The following AUH variants were observed in gnomAD, a reference collection of about 807,000 sequenced individuals.
AUH encodes AU RNA binding methylglutaconyl-CoA hydratase, also known as methylglutaconyl-CoA hydratase, mitochondrial.
A neutral mutation model predicts 42.3 loss-of-function variants in AUH; 29 were observed. The ratio of observed to expected loss-of-function variants is 0.69; its 90% CI spans 0.51 to 0.93. The LOEUF is 0.93. AUH is among the 40% of genes least tolerant of loss of function. The pLI is 0.00. For missense variants in AUH, 452 were observed against 438.1 expected (o/e 1.03, Z -0.28); for synonymous variants, 174 against 166.4 (o/e 1.05, Z -0.35).
chr9:91,302,935 T>C (rs1192073969), intron 4 of AUH, among the ~76,000 whole-genome samples: 1 of 152,206 alleles, frequency 6.6e-6, no homozygotes, highest in Non-Finnish European at 1.5e-5. Flanking sequence ...GCAATGGCTA[T>C]TCCCAACAGC....
At chr9:91,276,430 A>C (rs1273535099) in intron 6 of AUH, among the ~76,000 whole-genome samples, 1 of 149,918 alleles carries the variant, frequency 6.7e-6, no homozygotes, top group Non-Finnish European at 1.5e-5. Context: ...AAAAAAAAAA[A>C]GAGTATTGCA....
chr9:91,340,399 ATAAT>A lies in AUH; in HGVS notation c.419-14999_419-14996del, dbSNP rs778538746. The stretch of plus-strand genomic sequence containing the variant: ...CATTAATATAAAATTTAATGAGTAA[ATAAT>A]ACTGGTATTAATCATGTTGCCTTTT... On this transcript the variant is annotated intron_variant, in intron 3 of 9. Coordinates refer to ENST00000375731, the MANE Select transcript of AUH (RefSeq NM_001698.3). Among the ~76,000 whole-genome samples the A allele has an allele frequency of 1.3e-5, 2 of 152,254 alleles. 1 individual carries two copies. Among genetic ancestry groups the A allele is most frequent in the East Asian group, 3.8e-4 (2 of 5,208 alleles).
chr9:91,287,899 C>T (rs1197864819), intron 6 of AUH, among the ~76,000 whole-genome samples: 1 of 151,896 alleles, frequency 6.6e-6, no homozygotes, highest in African/African-American at 2.4e-5. Context: ...TATTGAAAGA[C>T]TCATCTATAT....
At chr9:91,261,207 T>C (rs967768269) in intron 6 of AUH, among the ~76,000 whole-genome samples, 1 of 152,198 alleles carries the variant, frequency 6.6e-6, no homozygotes, top group Non-Finnish European at 1.5e-5. Flanking sequence ...TGTTCTGTGC[T>C]GGATTATGCT....
chr9:91,300,977 A>G (rs983043911), intron 4 of AUH, among the ~76,000 whole-genome samples: 15 of 152,188 alleles, frequency 9.9e-5, no homozygotes, highest in African/African-American at 3.6e-4. Flanking sequence ...ACATCACATC[A>G]ATGCTACTCA....
rs59102669 is a variant in AUH, at chr9:91,249,292, CAAAAAAAAAAAAAAAAAA to C, written c.656-28318_656-28301del. 1.1e-3 allele frequency among the ~76,000 whole-genome samples: 35 copies of C among 32,506 alleles called. 1 individual carries two copies. The highest frequency in any genetic ancestry group is 3.6e-3 in the Admixed American group (7 of 1,918). The allele number at this position is 32,506 out of a possible 152,430, so 21.3% of individuals were successfully genotyped here. ...TGCCTGGGCGACAGAGAACCTGTCT[CAAAAAAAAAAAAAAAAAA>C]AAAAAAAAAAAAAGAACACAATATT... On this transcript the variant is annotated intron_variant, in intron 6 of 9. Coordinates refer to ENST00000375731, the MANE Select transcript of AUH (RefSeq NM_001698.3).
chr9:91,289,638 T>A (rs904057130), intron 6 of AUH, among the ~76,000 whole-genome samples: 2 of 152,208 alleles, frequency 1.3e-5, no homozygotes, highest in African/African-American at 2.4e-5. Context: ...AAGGAGGATA[T>A]CTCAGAGATC....
chr9:91,259,884 T>C (rs567794278), intron 6 of AUH, among the ~76,000 whole-genome samples: 2 of 152,280 alleles, frequency 1.3e-5, no homozygotes, highest in East Asian at 3.9e-4. Flanking sequence ...GTGAATTCTG[T>C]TCTTCTGTTG....
chr9:91,314,897 G>A (rs1829028271), intron 4 of AUH, among the ~76,000 whole-genome samples: 1 of 152,212 alleles, frequency 6.6e-6, no homozygotes, highest in Non-Finnish European at 1.5e-5. Context: ...CATCTACAGA[G>A]GAGGCGCAAT....
At chr9:91,320,022 T>C (rs1156785746) in intron 4 of AUH, among the ~76,000 whole-genome samples, 1 of 152,222 alleles carries the variant, frequency 6.6e-6, no homozygotes, top group East Asian at 1.9e-4. Context: ...GAACTGAGAT[T>C]GCTACAGACC....
chr9:91,257,981 AAATTT>A (rs1430913258), intron 6 of AUH, among the ~76,000 whole-genome samples: 1 of 152,220 alleles, frequency 6.6e-6, no homozygotes, highest in Non-Finnish European at 1.5e-5. Context: ...ATATTGTGTT[AAATTT>A]AAAGTATTTC....
intron 6 of AUH, among the ~76,000 whole-genome samples, chr9:91,244,038 C>T (rs1828660151): frequency 6.6e-6 from 1 of 152,154 alleles, no homozygotes; most frequent in African/African-American, 2.4e-5. Flanking sequence ...TATCCAACAT[C>T]CAGTCAGTTT....
intron 4 of AUH, among the ~76,000 whole-genome samples, chr9:91,322,339 C>T (rs1360180957): frequency 6.6e-6 from 1 of 152,132 alleles, no homozygotes; most frequent in African/African-American, 2.4e-5. Flanking sequence ...TTACAGGTAG[C>T]ATCAACTTTT....
intron 6 of AUH, among the ~76,000 whole-genome samples, chr9:91,240,412 A>G (rs1199673907): frequency 6.6e-6 from 1 of 152,138 alleles, no homozygotes; most frequent in Non-Finnish European, 1.5e-5. Flanking sequence ...ACGTGAGCAC[A>G]TGACTCAAGT....
intron 6 of AUH, among the ~76,000 whole-genome samples, chr9:91,295,301 TAAA>T (rs1447119032): frequency 2.0e-5 from 3 of 152,184 alleles, no homozygotes; most frequent in Non-Finnish European, 4.4e-5. Context: ...CATGGACAAA[TAAA>T]GAAAACAGTT....
In AUH at chr9:91,361,666, T is replaced by G. The variant is rs767721278; in HGVS notation, c.224A>C (p.Asp75Ala). ...CTCCAGGTGCCGCACCCGCAGCTCG[T>G]CCTCCGTCTTCATCTCAGAGCTGTA... is the stretch of plus-strand genomic sequence containing the variant. ...RGYSSEMKTE[D>A]ELRVRHLEEE... is the part of the protein sequence containing the mutation. The change falls in exon 1 of 10, where the codon GAC becomes GCC. Residue 75 changes from aspartate to alanine, a missense_variant. Coordinates refer to ENST00000375731, the MANE Select transcript of AUH (RefSeq NM_001698.3). The G allele has an allele frequency of 1.3e-6, 2 of 1,580,696 alleles. No homozygotes were observed. Among genetic ancestry groups the G allele is most frequent in the Admixed American group, 1.8e-5 (1 of 55,518 alleles).
intron 3 of AUH, among the ~76,000 whole-genome samples, chr9:91,342,392 T>A (rs947923146): frequency 6.6e-6 from 1 of 152,182 alleles, no homozygotes; most frequent in Non-Finnish European, 1.5e-5. Context: ...CTTCCTCACA[T>A]CTGCGAAGTT....
intron 3 of AUH, among the ~76,000 whole-genome samples, chr9:91,329,121 T>C (rs535234286): frequency 4.1e-4 from 62 of 152,330 alleles, no homozygotes; most frequent in African/African-American, 1.4e-3. Context: ...TATAAACGTT[T>C]TGCTTATCCC....
At chr9:91,329,088 T>C (rs537579430) in intron 3 of AUH, among the ~76,000 whole-genome samples, 83 of 152,336 alleles carry the variant, frequency 5.4e-4, no homozygotes, top group African/African-American at 1.9e-3. Context: ...GTTATAAGCA[T>C]GAAGTATTCC....
Sources: allele counts gnomAD v4.1 joint callset (sites outside exome capture counted in the v4.1 genomes callset), GRCh38; gene constraint gnomAD v4.1.1; transcripts MANE v1.5; gene names NCBI Gene and HGNC (gene_info 2026-07-23, HGNC 2026-07-21).